Variants in NPSR1 observed in about 807,000 individuals in gnomAD.
NPSR1 encodes the protein neuropeptide S receptor 1.
In NPSR1, 48 loss-of-function variants were observed where a neutral mutation model predicts 46.9. The observed-to-expected ratio is 1.02, with a 90% CI of 0.81 to 1.30. The LOEUF is 1.30. Among genes scored for constraint, NPSR1 ranks in the 50% most tolerant of loss-of-function variants. The pLI is 0.00. For missense variants in NPSR1, 450 were observed against 449.5 expected (o/e 1.00, Z -0.01); for synonymous variants, 176 against 168.1 (o/e 1.05, Z -0.36).
At chr7:34,683,666 G>A (rs1017318974) in intron 1 of NPSR1, among the ~76,000 whole-genome samples, 1 of 152,032 alleles carries the variant, frequency 6.6e-6, no homozygotes, top group Non-Finnish European at 1.5e-5. Context: ...ATCATTCCAT[G>A]GCAGAAAGTG....
intron 3 of NPSR1, among the ~76,000 whole-genome samples, chr7:34,811,521 C>T (rs1260708275): frequency 1.3e-5 from 2 of 152,120 alleles, no homozygotes; most frequent in Non-Finnish European, 2.9e-5. Context: ...ACAGGAATAC[C>T]TGTTCTCATT....
At chr7:34,758,295 C>T (rs184574121) in intron 2 of NPSR1, 254 of 152,288 alleles carry the variant, frequency 1.7e-3, no homozygotes, top group Non-Finnish European at 2.7e-3. Flanking sequence ...GTGTGAAGTT[C>T]ATGGTGTTTC....
chr7:34,678,218 CTTTTTT>C (rs869140156), intron 1 of NPSR1, among the ~76,000 whole-genome samples: 11 of 100,696 alleles, frequency 1.1e-4, no homozygotes, highest in East Asian at 5.8e-4. Context: ...CTTTGCAATT[CTTTTTT>C]TTTTTTTTTT....
chr7:34,810,946 A>G (rs529250826), intron 3 of NPSR1, among the ~76,000 whole-genome samples: 10 of 152,276 alleles, frequency 6.6e-5, no homozygotes, highest in Admixed American at 5.2e-4. Flanking sequence ...CTCTCTGTTC[A>G]GCTTCCTCAA....
intron 1 of NPSR1, among the ~76,000 whole-genome samples, chr7:34,664,389 G>A (rs776070380): frequency 3.3e-5 from 5 of 152,238 alleles, no homozygotes; most frequent in African/African-American, 4.8e-5. Flanking sequence ...AACAGCAAGC[G>A]GCCCCCAGGA....
At chr7:34,740,277 G>T (rs915298337) in intron 2 of NPSR1, among the ~76,000 whole-genome samples, 1 of 151,948 alleles carries the variant, frequency 6.6e-6, no homozygotes, top group Non-Finnish European at 1.5e-5. Flanking sequence ...CACTGAGTTT[G>T]TTTCCAGGCA....
chr7:34,870,910 GGATGGATA>G lies in NPSR1; in HGVS notation c.1026-7158_1026-7151del, dbSNP rs1415952437. 3.3e-4 allele frequency among the ~76,000 whole-genome samples: 50 copies of G among 150,878 alleles called. 1 individual carries two copies. The highest frequency in any genetic ancestry group is 1.1e-3 in the African/African-American group (45 of 40,588). On this transcript the variant is annotated intron_variant, in intron 8 of 8. Coordinates refer to the NPSR1 transcript ENST00000359791. The stretch of plus-strand genomic sequence containing the variant: ...TGGATGGATGGATGGATGAATGGAT[GGATGGATA>G]GATGGATGGATGGATAGATGGATGG...
intron 1 of NPSR1, among the ~76,000 whole-genome samples, chr7:34,670,985 T>C (rs1254329722): frequency 6.6e-6 from 1 of 152,208 alleles, no homozygotes; most frequent in Non-Finnish European, 1.5e-5. Context: ...TTAGTAATTC[T>C]ACTTGTAGGA....
intron 2 of NPSR1, among the ~76,000 whole-genome samples, chr7:34,714,135 C>T (rs1424946795): frequency 6.6e-6 from 1 of 152,206 alleles, no homozygotes; most frequent in East Asian, 1.9e-4. Flanking sequence ...CAAAGATCGC[C>T]AGGAAAGTTC....
At chr7:34,671,775 A>G (rs181250337) in intron 1 of NPSR1, among the ~76,000 whole-genome samples, 1 of 152,176 alleles carries the variant, frequency 6.6e-6, no homozygotes, top group African/African-American at 2.4e-5. Flanking sequence ...GTTCAAATCC[A>G]TTCCCTGGTC....
intron 1 of NPSR1, among the ~76,000 whole-genome samples, chr7:34,672,074 A>C (rs2128675241): frequency 6.6e-6 from 1 of 152,318 alleles, no homozygotes; most frequent in South Asian, 2.1e-4. Context: ...ATTTGGACTT[A>C]ATTTGCTCAA....
chr7:34,875,395 T>A (rs1791551223), intron 8 of NPSR1, among the ~76,000 whole-genome samples: 1 of 152,202 alleles, frequency 6.6e-6, no homozygotes, highest in Non-Finnish European at 1.5e-5. Flanking sequence ...AGCCCTCTTC[T>A]AAGGGGTAAC....
chr7:34,813,991 C>T (rs952928942), intron 4 of NPSR1, among the ~76,000 whole-genome samples: 5 of 152,202 alleles, frequency 3.3e-5, no homozygotes, highest in African/African-American at 4.8e-5. Context: ...CCAGCATGAT[C>T]GATGCAGAAG....
intron 3 of NPSR1, among the ~76,000 whole-genome samples, chr7:34,788,221 T>C (rs530098446): frequency 7.9e-5 from 12 of 152,152 alleles, no homozygotes; most frequent in African/African-American, 1.9e-4. Flanking sequence ...AAGACATTCC[T>C]TTGTAAGTCT....
intron 7 of NPSR1, 79 bp from the exon 8 acceptor site, chr7:34,848,403 TA>T: frequency 8.1e-7 from 1 of 1,238,668 alleles, no homozygotes; most frequent in Non-Finnish European, 1.1e-6. Flanking sequence ...ACCTCTCAGG[TA>T]AAAGTCCAGT....
intron 1 of NPSR1, among the ~76,000 whole-genome samples, chr7:34,663,247 T>C (rs369648447): frequency 6.6e-6 from 1 of 152,030 alleles, no homozygotes. Context: ...ATCCGACCTG[T>C]GTCAGGCCCA....
At chr7:34,827,872 C>A (rs939292444) in intron 5 of NPSR1, among the ~76,000 whole-genome samples, 1 of 152,170 alleles carries the variant, frequency 6.6e-6, no homozygotes, top group African/African-American at 2.4e-5. Context: ...CACAGTATAA[C>A]CCTGTGAAAT....
intron 2 of NPSR1, among the ~76,000 whole-genome samples, chr7:34,753,875 T>G (rs574876931): frequency 3.9e-5 from 6 of 152,186 alleles, no homozygotes; most frequent in African/African-American, 1.4e-4. Context: ...TAAAAAATTC[T>G]AAATGAATTT....
chr7:34,825,180 G>A (rs543281347), intron 4 of NPSR1, among the ~76,000 whole-genome samples: 1 of 152,234 alleles, frequency 6.6e-6, no homozygotes, highest in Admixed American at 6.5e-5. Context: ...TTCTCCTTCA[G>A]TATTGCATAC....
Sources: gnomAD v4.1 joint callset for allele counts (sites outside exome capture counted in the v4.1 genomes callset) on GRCh38, gnomAD v4.1.1 for gene constraint, MANE v1.5 for transcripts, NCBI Gene and HGNC (gene_info 2026-07-23, HGNC 2026-07-21) for gene names.